Variants in C8orf89 observed in about 807,000 individuals in gnomAD.
The protein encoded by C8orf89 is chromosome 8 open reading frame 89.
A neutral mutation model predicts 15.8 loss-of-function variants in C8orf89; 14 were observed. That is an observed-to-expected ratio of 0.89 (90% CI 0.59 to 1.39). The LOEUF (loss-of-function observed/expected upper bound fraction) is 1.39. C8orf89 is among the 40% of genes most tolerant of loss of function. C8orf89 has a pLI of 0.00. For missense variants in C8orf89, 181 were observed against 184.5 expected, an observed-to-expected ratio of 0.98 and a Z score of 0.11; for synonymous variants, 55 against 62.2, an observed-to-expected ratio of 0.88 and a Z score of 0.54.
chr8:73,250,252 G>A lies in C8orf89; in HGVS notation c.337+16C>T, dbSNP rs893572563. On this transcript the variant is annotated intron_variant, in intron 3 of 3. Transcript: ENST00000624510. ...CACCCAAGAGAGGTAGTAGAAAAAA[G>A]GACGAGTCAGCTTACCTTTTGATTT... The A allele has an allele frequency of 2.0e-6, 3 of 1,524,062 alleles. No individual in the cohort carries two copies. The highest frequency in any genetic ancestry group is 2.6e-6 in the Non-Finnish European group (3 of 1,137,358). The allele number at this position is 1,524,062 out of a possible 1,614,324, so 94.4% of individuals were successfully genotyped here.
the C8orf89 span, among the ~76,000 whole-genome samples, chr8:73,265,256 G>A: frequency 7.2e-5 from 11 of 152,234 alleles, no homozygotes; most frequent in East Asian, 2.1e-3. Flanking sequence ...TACATATGAA[G>A]CTAGCAAAGG....
chr8:73,274,240 G>A, the C8orf89 span, among the ~76,000 whole-genome samples: 12 of 151,846 alleles, frequency 7.9e-5, no homozygotes, highest in African/African-American at 1.2e-4. Flanking sequence ...TGTAAGCTCC[G>A]CCTCCCGGGT....
At chr8:73,256,643 G>A (rs1036870180) in intron 2 of C8orf89, among the ~76,000 whole-genome samples, 8 of 147,520 alleles carry the variant, frequency 5.4e-5, no homozygotes, top group Non-Finnish European at 7.4e-5. Flanking sequence ...CAGGAGAATC[G>A]CTGGAATCCG....
chr8:73,267,602 T>G, the C8orf89 span, among the ~76,000 whole-genome samples: 1 of 152,230 alleles, frequency 6.6e-6, no homozygotes, highest in African/African-American at 2.4e-5. Flanking sequence ...TAGAGTATGA[T>G]TATAAAATAT....
chr8:73,263,998 A>T (rs1003223224), upstream of C8orf89, among the ~76,000 whole-genome samples: 1 of 151,986 alleles, frequency 6.6e-6, no homozygotes, highest in Non-Finnish European at 1.5e-5. Flanking sequence ...ATCTTATTTA[A>T]TATATACATT....
At position 73,250,473 on chromosome 8, in the gene C8orf89, G is replaced by A. The variant is rs1242838713; in HGVS notation, c.282-150C>T. The A allele has an allele frequency of 5.3e-6, 3 of 569,232 alleles. No individual in the cohort carries two copies. The African/African-American group carries it at 5.7e-5, about 11-fold the overall frequency. 35.3% of individuals were successfully genotyped at this position (569,232 alleles called of 1,614,324 possible). On this transcript the variant is annotated intron_variant, in intron 2 of 3. Transcript: ENST00000624510. ...AACTCATTCCATCAGAAGCAGATATGAGCCAGCCCAACATCTTGCTAGCAA... is the reference window on the plus strand; with the variant it reads ...AACTCATTCCATCAGAAGCAGATATAAGCCAGCCCAACATCTTGCTAGCAA...
At chr8:73,246,603 T>C (rs1294221494) in intron 3 of C8orf89, among the ~76,000 whole-genome samples, 2 of 152,204 alleles carry the variant, frequency 1.3e-5, no homozygotes, top group Non-Finnish European at 2.9e-5. Context: ...GGTCTCAAAC[T>C]CCTGACCTCA....
the C8orf89 span, among the ~76,000 whole-genome samples, chr8:73,276,599 C>T: frequency 6.6e-6 from 1 of 152,088 alleles, no homozygotes; most frequent in Non-Finnish European, 1.5e-5. Context: ...CTTTGTCAAA[C>T]TATCCCAGAG....
intron 1 of C8orf89, 150 bp downstream of exon 1, chr8:73,259,182 G>T (rs1482636369): frequency 4.0e-6 from 2 of 500,216 alleles, no homozygotes; most frequent in South Asian, 4.2e-5. Context: ...ATTAATTTTA[G>T]TTTGCTTCCA....
At chr8:73,241,749 C>T in intron 3 of C8orf89, 144 bp from the exon 4 acceptor site, 1 of 567,940 alleles carries the variant, frequency 1.8e-6, no homozygotes, top group East Asian at 3.4e-5. Flanking sequence ...GCTATACTAA[C>T]CCAAAAAAAA....
chr8:73,253,126 G>A (rs1178562469), intron 2 of C8orf89, among the ~76,000 whole-genome samples: 3 of 152,206 alleles, frequency 2.0e-5, no homozygotes, highest in Non-Finnish European at 4.4e-5. Context: ...CTGGGCGACA[G>A]AGCTAGACTC....
Position 73,257,129 on chromosome 8 carries a change from G to C in C8orf89, c.128-3C>G. 6.6e-7 allele frequency: 1 copy of C among 1,511,522 alleles called. No individual in the cohort carries two copies. Among genetic ancestry groups the C allele is most frequent in the Non-Finnish European group, 8.8e-7 (1 of 1,131,954 alleles). 93.6% of individuals were successfully genotyped at this position (1,511,522 alleles called of 1,614,324 possible). On this transcript the variant is annotated splice_region_variant and splice_polypyrimidine_tract_variant and intron_variant, in intron 1 of 3. Transcript: ENST00000624510. Reference sequence around the variant, plus strand: ...TAGACCAAATGCTGTGGTATATTCTGGTTAAAAATATATAAGAATCATCTT... The same window carrying C: ...TAGACCAAATGCTGTGGTATATTCTCGTTAAAAATATATAAGAATCATCTT...
At chr8:73,272,308 C>T in the C8orf89 span, among the ~76,000 whole-genome samples, 2 of 152,114 alleles carry the variant, frequency 1.3e-5, no homozygotes, top group Non-Finnish European at 2.9e-5. Flanking sequence ...TTTCTATGCC[C>T]ATTTGTGAAA....
chr8:73,264,626 G>A, the C8orf89 span, among the ~76,000 whole-genome samples: 2 of 152,106 alleles, frequency 1.3e-5, no homozygotes, highest in Non-Finnish European at 2.9e-5. Context: ...GAGTAGCTGG[G>A]ATTACAGGTG....
the C8orf89 span, chr8:73,277,988 C>T: frequency 1.6e-6 from 1 of 618,662 alleles, no homozygotes. Flanking sequence ...CCCCAGGGCT[C>T]TTGCACCGAG....
chr8:73,281,755 T>C, the C8orf89 span, among the ~76,000 whole-genome samples: 1 of 152,232 alleles, frequency 6.6e-6, no homozygotes, highest in African/African-American at 2.4e-5. Flanking sequence ...GTTTGTCCAC[T>C]AAAATCCTGG....
Position 73,241,600 on chromosome 8 carries a change from C to A in C8orf89, c.343G>T (p.Gly115Cys). The A allele has an allele frequency of 6.6e-7, 1 of 1,504,608 alleles. No individual in the cohort carries two copies. The allele number at this position is 1,504,608 out of a possible 1,614,324, so 93.2% of individuals were successfully genotyped here. A position where few individuals can be genotyped will look rare whatever the true frequency, so the allele number is the denominator to read the frequency against. ...GCTCCAGTGAGAGGATCACTGAAGC[C>A]AGAACCTGGAGGAGGAGGTGGGGAG... is the stretch of plus-strand genomic sequence containing the variant. ...APLWEKSKGS[G>C]FSDPLTGAPS... Residue 115 changes from glycine to cysteine, a missense_variant, in exon 4 of 4, where the codon GGC (glycine) becomes TGC (cysteine). Gly to Cys is a radical substitution (Grantham distance 159, BLOSUM62 -3). Coordinates refer to ENST00000624510, the MANE Select transcript of C8orf89 (RefSeq NM_001243237.3).
At chr8:73,266,393 T>C in the C8orf89 span, among the ~76,000 whole-genome samples, 2 of 152,228 alleles carry the variant, frequency 1.3e-5, no homozygotes, top group African/African-American at 4.8e-5. Context: ...GGTGTCATCA[T>C]GACATGGGAA....
the C8orf89 span, among the ~76,000 whole-genome samples, chr8:73,273,862 A>G: frequency 2.6e-5 from 4 of 151,668 alleles, no homozygotes; most frequent in Non-Finnish European, 5.9e-5. Context: ...CTTGGTAACT[A>G]TATGGAATGT....
Sources: gnomAD v4.1 joint callset for allele counts (sites outside exome capture counted in the v4.1 genomes callset) on GRCh38, gnomAD v4.1.1 for gene constraint, MANE v1.5 for transcripts, NCBI Gene and HGNC (gene_info 2026-07-23, HGNC 2026-07-21) for gene names.